The following SVEP1 variants were observed in gnomAD, a reference collection of about 807,000 sequenced individuals.
SVEP1 encodes sushi, von Willebrand factor type A, EGF and pentraxin domain containing 1.
SVEP1 carries 164 observed loss-of-function variants against 367.3 expected under a neutral mutation model. The observed-to-expected ratio is 0.45, with a 90% confidence interval of 0.39 to 0.51. The LOEUF (loss-of-function observed/expected upper bound fraction) is 0.51, where lower values mean the gene tolerates loss of function less well. Ranked by LOEUF, SVEP1 falls within the 20% of genes least tolerant of loss-of-function variation. SVEP1 has a pLI of 0.00. For synonymous variants in SVEP1, 1,666 were observed against 1,611.6 expected, an observed-to-expected ratio of 1.03 and a Z score of -0.81; for missense variants, 4,117 against 4,425.3, an observed-to-expected ratio of 0.93 and a Z score of 1.98.
chr9:110,480,336 T>G (rs1366342152), intron 12 of SVEP1, among the ~76,000 whole-genome samples: 1 of 152,176 alleles, frequency 6.6e-6, no homozygotes, highest in African/African-American at 2.4e-5. Context: ...TGGTATTGTT[T>G]CTATTTACTA....
At chr9:110,488,621 G>C (rs1413368280) in intron 9 of SVEP1, among the ~76,000 whole-genome samples, 3 of 152,146 alleles carry the variant, frequency 2.0e-5, no homozygotes, top group African/African-American at 7.2e-5. Flanking sequence ...CAGCATTTTG[G>C]GAGGCCAACG....
intron 37 of SVEP1, 95 bp from the exon 38 acceptor site, chr9:110,409,046 T>C (rs901281616): frequency 1.5e-6 from 2 of 1,346,890 alleles, no homozygotes; most frequent in South Asian, 1.6e-5. Context: ...AAAAGGTCTA[T>C]GTTAAAATGA....
At position 110,408,629 on chromosome 9, in the gene SVEP1, G is replaced by C; in HGVS notation, c.6971C>G (p.Pro2324Arg). 1 of 1,613,950 alleles carries C rather than the reference G, an allele frequency of 6.2e-7. No homozygotes were observed. The highest frequency in any genetic ancestry group is 8.5e-7 in the Non-Finnish European group (1 of 1,179,886). ...CTGGTTTTCCAAGAGGGGCGGCTCT[G>C]GGCACTTGGCAGGCATGCACTTTGG... ...SNPKCMPAKCPEPPLLENQLV... is the reference protein window; with the variant it reads ...SNPKCMPAKCREPPLLENQLV... The change falls in exon 38 of 48, where the codon CCA (proline) becomes CGA (arginine). Residue 2324 changes from proline (P) to arginine (R), a missense_variant. By Grantham distance (103) the Pro-to-Arg change is moderately radical. This residue lies in a region of SVEP1 where 1,765 missense variants were observed against 1,781.1 expected (regional missense o/e 0.99). Transcript: ENST00000374469.
At chr9:110,461,856 C>T (rs1375097433) in intron 18 of SVEP1, among the ~76,000 whole-genome samples, 11 of 152,110 alleles carry the variant, frequency 7.2e-5, no homozygotes, top group Non-Finnish European at 1.5e-4. Flanking sequence ...TAAGAACAAG[C>T]TAATTTACTC....
Position 110,476,081 on chromosome 9 carries a change from T to A in SVEP1, c.2599+123A>T, listed in dbSNP as rs1196165089. 2.3e-5 allele frequency: 14 copies of A among 602,820 alleles called. 1 individual carries two copies. The East Asian group carries it at 3.8e-4, about 16-fold the overall frequency. 37.3% of individuals were successfully genotyped at this position (602,820 alleles called of 1,614,324 possible). ...AGCACATTATCAAATTATTTAGCCA[T>A]CCTAAAATACTTGATGAATAAATTA... On this transcript the variant is annotated intron_variant, in intron 14 of 47. Transcript: ENST00000374469.
chr9:110,400,311 A>G (rs1827838185), intron 40 of SVEP1, among the ~76,000 whole-genome samples: 1 of 152,090 alleles, frequency 6.6e-6, no homozygotes, highest in Admixed American at 6.6e-5. Flanking sequence ...GTGGTTTGCG[A>G]ACTTACTTTT....
intron 17 of SVEP1, among the ~76,000 whole-genome samples, chr9:110,467,422 T>C (rs1354117483): frequency 6.6e-6 from 1 of 152,278 alleles, no homozygotes; most frequent in East Asian, 1.9e-4. Context: ...AGAATCCAGC[T>C]GATAGATATA....
chr9:110,392,284 G>C (rs145489056), intron 40 of SVEP1, among the ~76,000 whole-genome samples: 126 of 151,544 alleles, frequency 8.3e-4, no homozygotes, highest in African/African-American at 2.8e-3. Context: ...TATTTGTCTT[G>C]GACACTGAAA....
chr9:110,507,626 C>T (rs548253436), intron 5 of SVEP1, among the ~76,000 whole-genome samples: 8 of 152,212 alleles, frequency 5.3e-5, no homozygotes, highest in East Asian at 1.9e-4. Context: ...TTTTGCCTTC[C>T]GTGTTTTAAT....
chr9:110,387,475 A>G lies in SVEP1; in HGVS notation c.9887-17T>C. ...ACCTGGTCTCTAAAAACAAGAATAA[A>G]AGCCTCATATTAATTGCTTCCCCAA... On this transcript the variant is annotated splice_polypyrimidine_tract_variant and intron_variant, in intron 41 of 47. Transcript: ENST00000374469. 6.3e-7 allele frequency: 1 copy of G among 1,582,022 alleles called. No individual in the cohort carries two copies. Among genetic ancestry groups the G allele is most frequent in the Non-Finnish European group, 8.5e-7 (1 of 1,169,834 alleles).
At chr9:110,524,730 T>A (rs955981390) in intron 3 of SVEP1, among the ~76,000 whole-genome samples, 3 of 151,518 alleles carry the variant, frequency 2.0e-5, no homozygotes, top group African/African-American at 7.3e-5. Context: ...TTTTTTTTTT[T>A]AAGCAGGGTC....
At chr9:110,404,199 C>T (rs979979117) in intron 39 of SVEP1, 128 bp downstream of exon 39, 6 of 908,410 alleles carry the variant, frequency 6.6e-6, no homozygotes, top group Non-Finnish European at 9.9e-6. Context: ...AGAAACTTTT[C>T]AAATCCTTTG....
chr9:110,378,807 T>C (rs1428238532), intron 44 of SVEP1, among the ~76,000 whole-genome samples: 1 of 151,554 alleles, frequency 6.6e-6, no homozygotes, highest in African/African-American at 2.4e-5. Flanking sequence ...ATATACCTAA[T>C]GTTAAATGAC....
In SVEP1 at chr9:110,431,585, T is replaced by G. The variant is rs71501633; in HGVS notation, c.5353+330A>C. Among the ~76,000 whole-genome samples, 36 of 152,342 alleles carry G rather than the reference T, an allele frequency of 2.4e-4. 1 individual carries two copies. The highest frequency in any genetic ancestry group is 4.1e-4 in the Non-Finnish European group (28 of 68,026). The stretch of plus-strand genomic sequence containing the variant: ...GTGAAGATGTGATAAAGCATCTTCC[T>G]TGCTCTGATTGAGGCAGGGATGTCA... On this transcript the variant is annotated intron_variant, in intron 32 of 47. Transcript: ENST00000374469.
rs1173051497 is a variant in SVEP1 at position 110,430,122 on chromosome 9, T to TGG, written c.5531-120_5531-119dup. On this transcript the variant is annotated intron_variant, in intron 33 of 47. Transcript: ENST00000374469. Reference sequence around the variant, plus strand: ...TGTTTGTTTTCTTTTTTTTTTTTTTTGGTGTGTGTGTGTGGGGTCATGTTT... The same window carrying TGG: ...TGTTTGTTTTCTTTTTTTTTTTTTTTGGGGTGTGTGTGTGTGGGGTCATGTTT... The TGG allele has an allele frequency of 5.4e-5, 49 of 913,642 alleles. No homozygotes were observed. In the East Asian group the frequency reaches 1.3e-3, roughly 23 times the overall value. 56.6% of individuals were successfully genotyped at this position (913,642 alleles called of 1,614,324 possible).
chr9:110,385,888 G>A lies in SVEP1; in HGVS notation c.10237+10C>T. On this transcript the variant is annotated intron_variant, in intron 43 of 47. Transcript: ENST00000374469. ...TAGCGGCATGAACTGGCTTCCGCCT[G>A]CTGACTTACTTTCACATTTGGCGCT... is the stretch of plus-strand genomic sequence containing the variant. 6.2e-7 allele frequency: 1 copy of A among 1,610,314 alleles called. No homozygotes were observed. Among genetic ancestry groups the A allele is most frequent in the Non-Finnish European group, 8.5e-7 (1 of 1,178,330 alleles).
At chr9:110,538,720 T>C (rs888663072) in intron 3 of SVEP1, among the ~76,000 whole-genome samples, 5 of 152,082 alleles carry the variant, frequency 3.3e-5, no homozygotes, top group South Asian at 2.1e-4. Context: ...GCCTAACTCA[T>C]TGAAATATAG....
chr9:110,457,251 T>C lies in SVEP1; in HGVS notation c.3673+5A>G. On this transcript the variant is annotated splice_donor_5th_base_variant and intron_variant, in intron 21 of 47. Coordinates refer to ENST00000374469, the MANE Select transcript of SVEP1 (RefSeq NM_153366.4). ...TTAAAATCTACATTCCTCTTGGTTA[T>C]TTACCTGTATATCCAAGTGGACAGA... The C allele has an allele frequency of 6.3e-7, 1 of 1,586,874 alleles. No individual in the cohort carries two copies. Among genetic ancestry groups the C allele is most frequent in the Non-Finnish European group, 8.5e-7 (1 of 1,170,378 alleles).
chr9:110,544,244 G>A (rs1194987555), intron 3 of SVEP1, among the ~76,000 whole-genome samples: 1 of 152,154 alleles, frequency 6.6e-6, no homozygotes, highest in Admixed American at 6.6e-5. Flanking sequence ...CAAAATGCCA[G>A]AATAAAATAA....
Sources: gnomAD v4.1 joint callset for allele counts (sites outside exome capture counted in the v4.1 genomes callset) on GRCh38, gnomAD v4.1.1 for gene constraint, gnomAD v4.1.1 regional missense constraint, MANE v1.5 for transcripts, NCBI Gene and HGNC (gene_info 2026-07-23, HGNC 2026-07-21) for gene names.